Variants in LHX6 observed in about 807,000 individuals in gnomAD.
LHX6 encodes the protein LIM homeobox 6, also known as LIM/homeobox protein Lhx6.
A neutral mutation model predicts 47.1 loss-of-function variants in LHX6; 15 were observed. The observed-to-expected ratio is 0.32, with a 90% CI of 0.21 to 0.49. LHX6 has a LOEUF of 0.49. Ranked by LOEUF, LHX6 falls within the 20% of genes least tolerant of loss-of-function variation. The probability of loss-of-function intolerance (pLI) is 0.99; values close to 1 mark genes in which losing one functional copy is unlikely to be tolerated. For synonymous variants in LHX6, 242 were observed against 233.5 expected (o/e 1.04, Z -0.33); for missense variants, 404 against 539.6 (o/e 0.75, Z 2.49).
chr9:122,216,905 C>T lies in LHX6; in HGVS notation c.682+163G>A, dbSNP rs182627869. On this transcript the variant is annotated intron_variant, in intron 5 of 9. Coordinates refer to ENST00000394319, the MANE Select transcript of LHX6 (RefSeq NM_014368.5). ...CTGACTCCTAAGCAAAAGATCGACC[C>T]GGAAGTGCAAGATCTGTTCGCCGCC... is the stretch of plus-strand genomic sequence containing the variant. 2.8e-4 allele frequency among the ~76,000 whole-genome samples: 42 copies of T among 152,184 alleles called. No individual in the cohort carries two copies. The East Asian group carries it at 4.8e-3, about 18-fold the overall frequency.
At chr9:122,218,967 C>G (rs921264683) in intron 4 of LHX6, among the ~76,000 whole-genome samples, 7 of 152,206 alleles carry the variant, frequency 4.6e-5, no homozygotes, top group Non-Finnish European at 7.3e-5. Flanking sequence ...TCTTCCACCC[C>G]TTCCACCTTC....
In LHX6 at chr9:122,213,689, G is replaced by A; in HGVS notation, c.971C>T (p.Ser324Phe). 3 of 1,612,874 alleles carry A rather than the reference G, an allele frequency of 1.9e-6. No homozygotes were observed. Among genetic ancestry groups the A allele is most frequent in the Non-Finnish European group, 1.7e-6 (2 of 1,179,832 alleles). Reference protein sequence around the residue: ...PSGAPPSRLPSALSDDIHYTP... With the variant: ...PSGAPPSRLPFALSDDIHYTP... Reference sequence around the variant, plus strand: ...GTAGTGGATGTCGTCGGACAGGGCGGAGGGAAGGCGGGACGGGGGCGCCCC... The same window carrying A: ...GTAGTGGATGTCGTCGGACAGGGCGAAGGGAAGGCGGGACGGGGGCGCCCC... The change falls in exon 8 of 10, where the codon TCC becomes TTC. Residue 324 changes from serine (S) to phenylalanine (F), a missense_variant. This residue lies in a region of LHX6 where 127 missense variants were observed against 116.1 expected (regional missense o/e 1.09). Transcript: ENST00000394319. This position sits in a 1 kb window ranked among gnomAD's most constrained non-coding sequence, Gnocchi z 5.5.
intron 2 of LHX6, 160 bp downstream of exon 2, chr9:122,227,249 C>CCAA (rs1034908604): frequency 1.4e-5 from 12 of 883,236 alleles, no homozygotes; most frequent in Non-Finnish European, 1.8e-5. Flanking sequence ...GCGGTTAAAG[C>CCAA]CAACATTCCC....
intron 4 of LHX6, among the ~76,000 whole-genome samples, chr9:122,219,975 G>A (rs1173907041): frequency 6.6e-6 from 1 of 152,238 alleles, no homozygotes; most frequent in Non-Finnish European, 1.5e-5. Context: ...GCGTCCTCAG[G>A]GAGCGGACAG....
At position 122,226,588 on chromosome 9, in the gene LHX6, G is replaced by C; in HGVS notation, c.340-91C>G. On this transcript the variant is annotated intron_variant, in intron 3 of 9. Coordinates refer to ENST00000394319, the MANE Select transcript of LHX6 (RefSeq NM_014368.5). The surrounding 1 kb of genome is among the most constrained non-coding windows in gnomAD (Gnocchi z 6.5). ...CCCGGTCTCATTTACAGTCAGAGGC[G>C]CTGAAGCTCAGAAGGTGCATGCGAT... 1 of 1,531,768 alleles carries C rather than the reference G, an allele frequency of 6.5e-7. No individual in the cohort carries two copies. The highest frequency in any genetic ancestry group is 1.2e-5 in the South Asian group (1 of 82,618). 94.9% of individuals were successfully genotyped at this position (1,531,768 alleles called of 1,614,324 possible). A position where few individuals can be genotyped will look rare whatever the true frequency, so the allele number is the denominator to read the frequency against.
Position 122,226,894 on chromosome 9 carries a change from A to T in LHX6, c.293T>A (p.Ile98Asn), listed in dbSNP as rs1367417547. 1 of 1,566,458 alleles carries T rather than the reference A, an allele frequency of 6.4e-7. No individual in the cohort carries two copies. The highest frequency in any genetic ancestry group is 1.2e-5 in the South Asian group (1 of 85,034). ...GATCTCGAGGCCGCAGCTGGAGCAG[A>T]TGTTCTTGCCTGCAGACGGCACGGA... ...ASSVPSAGKNICSSCGLEILD... is the reference protein window; with the variant it reads ...ASSVPSAGKNNCSSCGLEILD... The change falls in exon 3 of 10, where the codon ATC becomes AAC. Residue 98 changes from isoleucine to asparagine, a missense_variant. Transcript: ENST00000394319. The surrounding 1 kb of genome is among the most constrained non-coding windows in gnomAD (Gnocchi z 6.5).
At position 122,217,037 on chromosome 9, in the gene LHX6, G is replaced by A; in HGVS notation, c.682+31C>T. On this transcript the variant is annotated intron_variant, in intron 5 of 9. Transcript: ENST00000394319. The surrounding 1 kb of genome is among the most constrained non-coding windows in gnomAD (Gnocchi z 4.9). ...GGGGTGGGGTGGGAAAGGGCTGGGGGCAGAGGTGCCAGGCGGAGCAGGTTG... is the reference window on the plus strand; with the variant it reads ...GGGGTGGGGTGGGAAAGGGCTGGGGACAGAGGTGCCAGGCGGAGCAGGTTG... The A allele has an allele frequency of 6.3e-7, 1 of 1,589,034 alleles. No individual in the cohort carries two copies. The highest frequency in any genetic ancestry group is 1.1e-5 in the South Asian group (1 of 90,436).
At chr9:122,219,926 C>T (rs571102513) in intron 4 of LHX6, among the ~76,000 whole-genome samples, 113 of 152,350 alleles carry the variant, frequency 7.4e-4, no homozygotes, top group Non-Finnish European at 1.2e-3. Flanking sequence ...ATCTCCAGCG[C>T]GGGGCCAAGG....
rs1830103478 is a variant in LHX6 at position 122,204,681 on chromosome 9, C to CGCA, written c.*76_*78dup. On this transcript the variant is annotated 3_prime_UTR_variant, in exon 10 of 10. Coordinates refer to ENST00000394319, the MANE Select transcript of LHX6 (RefSeq NM_014368.5). The stretch of plus-strand genomic sequence containing the variant: ...ATGCGGAGGTGGGTGGACTCCTGGC[C>CGCA]GCAGCTTGGACACTGGATCTCAGCG... 8 of 1,563,526 alleles carry CGCA rather than the reference C, an allele frequency of 5.1e-6. No homozygotes were observed. Among genetic ancestry groups the CGCA allele is most frequent in the Non-Finnish European group, 7.0e-6 (8 of 1,150,944 alleles).
intron 9 of LHX6, 59 bp from the exon 10 acceptor site, chr9:122,204,839 C>T: frequency 2.4e-6 from 3 of 1,251,678 alleles, no homozygotes; most frequent in East Asian, 2.6e-5. Context: ...CCTGCTGCCC[C>T]CCAGAGAACC....
In LHX6 at chr9:122,221,735, C is replaced by T. The variant is rs1830871471; in HGVS notation, c.462-4447G>A. Reference sequence around the variant, plus strand: ...TGTTGCAAGATCACCCAGGGAGCCACACATCAGAAAACACAGCGGGCGTGC... The same window carrying T: ...TGTTGCAAGATCACCCAGGGAGCCATACATCAGAAAACACAGCGGGCGTGC... On this transcript the variant is annotated intron_variant, in intron 4 of 9. Coordinates refer to ENST00000394319, the MANE Select transcript of LHX6 (RefSeq NM_014368.5). 4 of 985,426 alleles carry T rather than the reference C, an allele frequency of 4.1e-6. No individual in the cohort carries two copies. In the African/African-American group the frequency reaches 5.2e-5, roughly 13 times the overall value. 61.0% of individuals were successfully genotyped at this position (985,426 alleles called of 1,614,324 possible). A position where few individuals can be genotyped will look rare whatever the true frequency, so the allele number is the denominator to read the frequency against.
chr9:122,226,275 G>T lies in LHX6; in HGVS notation c.461+101C>A. The T allele has an allele frequency of 7.0e-7, 1 of 1,435,504 alleles. No homozygotes were observed. Among genetic ancestry groups the T allele is most frequent in the Non-Finnish European group, 9.3e-7 (1 of 1,073,250 alleles). The allele number at this position is 1,435,504 out of a possible 1,614,324, so 88.9% of individuals were successfully genotyped here. A position where few individuals can be genotyped will look rare whatever the true frequency, so the allele number is the denominator to read the frequency against. On this transcript the variant is annotated intron_variant, in intron 4 of 9. Coordinates refer to ENST00000394319, the MANE Select transcript of LHX6 (RefSeq NM_014368.5). The surrounding 1 kb of genome is among the most constrained non-coding windows in gnomAD (Gnocchi z 6.5). The stretch of plus-strand genomic sequence containing the variant: ...TGCGCGCCGGAAGTGCACTCGGGAC[G>T]CCGGGGTTCTGGAGGAGAGACCACA...
chr9:122,222,592 C>T (rs1227190094), intron 4 of LHX6, among the ~76,000 whole-genome samples: 1 of 152,190 alleles, frequency 6.6e-6, no homozygotes, highest in East Asian at 1.9e-4. Flanking sequence ...TGCAAATGAG[C>T]CAGGAGCAGC....
At position 122,217,345 on chromosome 9, in the gene LHX6, C is replaced by T; in HGVS notation, c.462-57G>A. On this transcript the variant is annotated intron_variant, in intron 4 of 9. Transcript: ENST00000394319. This position sits in a 1 kb window ranked among gnomAD's most constrained non-coding sequence, Gnocchi z 4.9. ...GAGACTCAGACAGGCCAACCTTCCT[C>T]CTTCCACCACCCAATGGCCCGCCAG... is the stretch of plus-strand genomic sequence containing the variant. 1 of 1,424,640 alleles carries T rather than the reference C, an allele frequency of 7.0e-7. No individual in the cohort carries two copies. Among genetic ancestry groups the T allele is most frequent in the Non-Finnish European group, 9.5e-7 (1 of 1,047,514 alleles). The allele number at this position is 1,424,640 out of a possible 1,614,324, so 88.2% of individuals were successfully genotyped here. A position where few individuals can be genotyped will look rare whatever the true frequency, so the allele number is the denominator to read the frequency against.
At chr9:122,207,945 G>A (rs1203447940) in intron 9 of LHX6, among the ~76,000 whole-genome samples, 1 of 152,114 alleles carries the variant, frequency 6.6e-6, no homozygotes, top group African/African-American at 2.4e-5. Flanking sequence ...ACCGGGATCT[G>A]CTGAACTGGA....
At position 122,223,523 on chromosome 9, in the gene LHX6, T is replaced by TC. The variant is rs537006643; in HGVS notation, c.461+2852dup. On this transcript the variant is annotated intron_variant, in intron 4 of 9. Transcript: ENST00000394319. ...CATTTAGGGAGCCTTTATAGAGACT[T>TC]CCCCCCAACAGTGGCCTCTTTGGCA... Among the ~76,000 whole-genome samples the TC allele has an allele frequency of 2.1e-4, 32 of 151,964 alleles. No homozygotes were observed. The East Asian group carries it at 5.0e-3, about 24-fold the overall frequency.
rs1241536779 is a variant in LHX6 at position 122,228,941 on chromosome 9, C to G, written c.-201G>C. 1.1e-5 allele frequency: 2 copies of G among 186,910 alleles called. No individual in the cohort carries two copies. Among genetic ancestry groups the G allele is most frequent in the Non-Finnish European group, 2.2e-5 (2 of 92,392 alleles). The allele number at this position is 186,910 out of a possible 1,614,324, so 11.6% of individuals were successfully genotyped here. A position where few individuals can be genotyped will look rare whatever the true frequency, so the allele number is the denominator to read the frequency against. On this transcript the variant is annotated 5_prime_UTR_variant, in exon 1 of 10. Transcript: ENST00000394319. ...TCCCTGGCTGCTGCCGCCGCTGCCT[C>G]GGAAGAAGGTCCCGACAAACTTGGA... is the stretch of plus-strand genomic sequence containing the variant.
chr9:122,209,664 CG>C lies in LHX6; in HGVS notation c.1107del (p.Val370SerfsTer164). The C allele has an allele frequency of 3.7e-6, 5 of 1,343,936 alleles. No homozygotes were observed. The highest frequency in any genetic ancestry group is 4.3e-6 in the Non-Finnish European group (4 of 933,030). 83.3% of individuals were successfully genotyped at this position (1,343,936 alleles called of 1,614,324 possible). ...VHCRLPYTAP[P>X]VHLKADMDGP... Reference sequence around the variant, plus strand: ...CCATCCATATCGGCTTTGAGGTGGACGGGGGGTGCGGTGTAAGGCAGCCGGC... The same window carrying C: ...CCATCCATATCGGCTTTGAGGTGGACGGGGGTGCGGTGTAAGGCAGCCGGC... On this transcript the variant is annotated frameshift_variant, in exon 9 of 10. Coordinates refer to ENST00000394319, the MANE Select transcript of LHX6 (RefSeq NM_014368.5). LOFTEE classifies it high-confidence loss of function.
Position 122,214,255 on chromosome 9 carries a change from C to G in LHX6, c.783+28G>C, listed in dbSNP as rs1261446398. On this transcript the variant is annotated intron_variant, in intron 6 of 9. Coordinates refer to ENST00000394319, the MANE Select transcript of LHX6 (RefSeq NM_014368.5). This position sits in a 1 kb window ranked among gnomAD's most constrained non-coding sequence, Gnocchi z 4.6. The stretch of plus-strand genomic sequence containing the variant: ...CGCCCACTTTCGGCCCGGCCCCCGC[C>G]CCCGCCGCCCACTGCTTGCAGCGGT... 2 of 1,550,846 alleles carry G rather than the reference C, an allele frequency of 1.3e-6. No individual in the cohort carries two copies. The highest frequency in any genetic ancestry group is 2.4e-5 in the South Asian group (2 of 85,062).
Sources: gnomAD v4.1 joint callset for allele counts (sites outside exome capture counted in the v4.1 genomes callset) on GRCh38, gnomAD v4.1.1 for gene constraint, gnomAD v4.1.1 regional missense constraint, Gnocchi (gnomAD v3.1) non-coding constraint, MANE v1.5 for transcripts, NCBI Gene and HGNC (gene_info 2026-07-23, HGNC 2026-07-21) for gene names.